The following FOXO3 variants were observed in gnomAD, a reference collection of about 807,000 sequenced individuals.
The protein encoded by FOXO3 is forkhead box O3.
FOXO3 carries 4 observed loss-of-function variants against 41.9 expected under a neutral mutation model. That is an observed-to-expected ratio of 0.10 (90% CI 0.05 to 0.22). The LOEUF (loss-of-function observed/expected upper bound fraction) is 0.22. FOXO3 is among the 10% of genes least tolerant of loss of function. The pLI is 1.00. For missense variants in FOXO3, 534 were observed against 906.8 expected, an observed-to-expected ratio of 0.59 and a Z score of 5.28; for synonymous variants, 318 against 389.3, an observed-to-expected ratio of 0.82 and a Z score of 2.16.
chr6:108,672,846 T>G (rs1293134276), intron 2 of FOXO3, among the ~76,000 whole-genome samples: 1 of 148,588 alleles, frequency 6.7e-6, no homozygotes, highest in Non-Finnish European at 1.5e-5. Flanking sequence ...GTTGTGGGAT[T>G]TTTTTGTTTC....
chr6:108,578,784 A>T (rs1055519089), intron 1 of FOXO3, among the ~76,000 whole-genome samples: 1 of 152,198 alleles, frequency 6.6e-6, no homozygotes, highest in African/African-American at 2.4e-5. Flanking sequence ...GCTGGGTGTA[A>T]TCAGTGTGAG....
At chr6:108,568,219 T>C (rs554779820) in intron 1 of FOXO3, among the ~76,000 whole-genome samples, 114 of 151,374 alleles carry the variant, frequency 7.5e-4, no homozygotes, top group Middle Eastern at 3.4e-3. Context: ...CTCTCTCTTT[T>C]TTTTTTTTTT....
intron 2 of FOXO3, among the ~76,000 whole-genome samples, chr6:108,667,057 G>T (rs1320523883): frequency 6.6e-6 from 1 of 152,214 alleles, no homozygotes; most frequent in Non-Finnish European, 1.5e-5. Context: ...CTCACGGGTG[G>T]TTGCAGAAAG....
intron 1 of FOXO3, among the ~76,000 whole-genome samples, chr6:108,598,452 C>G (rs1776949482): frequency 6.6e-6 from 1 of 152,068 alleles, no homozygotes; most frequent in South Asian, 2.1e-4. Context: ...CAACCACAAG[C>G]AGGATACATA....
chr6:108,668,979 G>A (rs915869262), intron 2 of FOXO3, among the ~76,000 whole-genome samples: 2 of 152,262 alleles, frequency 1.3e-5, no homozygotes. Context: ...GGGCGTGGTG[G>A]CGGGCGCCTG....
chr6:108,621,460 A>G (rs1205887127), intron 1 of FOXO3, among the ~76,000 whole-genome samples: 1 of 152,240 alleles, frequency 6.6e-6, no homozygotes, highest in African/African-American at 2.4e-5. Context: ...TGGAAGAAAG[A>G]ATCAAGTATG....
chr6:108,677,401 G>A (rs542061060), intron 2 of FOXO3, among the ~76,000 whole-genome samples: 1 of 152,122 alleles, frequency 6.6e-6, no homozygotes, highest in African/African-American at 2.4e-5. Flanking sequence ...CTCTGTTAGG[G>A]GCTCATGGGT....
Position 108,664,300 on chromosome 6 carries a change from G to A in FOXO3, c.1467G>A (p.Ser489=), listed in dbSNP as rs369957744. The A allele has an allele frequency of 3.8e-4, 612 of 1,595,940 alleles. No homozygotes were observed. The highest frequency in any genetic ancestry group is 5.9e-4 in the Admixed American group (35 of 59,786). The change falls in exon 2 of 3, where the codon TCG becomes TCA. Residue 489 remains serine (S), a synonymous_variant. Coordinates refer to ENST00000406360, the MANE Select transcript of FOXO3 (RefSeq NM_001455.4). Reference sequence around the variant, plus strand: ...ACAGCGATGTCATGATGACACAGTCGGACCCCTTGATGTCTCAGGCCAGCA... The same window carrying A: ...ACAGCGATGTCATGATGACACAGTCAGACCCCTTGATGTCTCAGGCCAGCA... The part of the protein sequence containing the change: ...LSHSDVMMTQ[S]DPLMSQASTA...
intron 1 of FOXO3, among the ~76,000 whole-genome samples, chr6:108,655,729 C>T (rs915605843): frequency 6.6e-6 from 1 of 152,172 alleles, no homozygotes; most frequent in African/African-American, 2.4e-5. Flanking sequence ...GGCGCCCACC[C>T]GGGCCTGCTC....
chr6:108,640,018 A>G (rs1353106759), intron 1 of FOXO3, among the ~76,000 whole-genome samples: 1 of 152,208 alleles, frequency 6.6e-6, no homozygotes, highest in Admixed American at 6.5e-5. Flanking sequence ...AAAACATCGC[A>G]TAAAAGACAG....
chr6:108,674,513 T>C (rs1279511495), intron 2 of FOXO3, among the ~76,000 whole-genome samples: 1 of 152,164 alleles, frequency 6.6e-6, no homozygotes, highest in Non-Finnish European at 1.5e-5. Flanking sequence ...TTCAACATGT[T>C]AGGAGCTCAA....
chr6:108,595,168 A>T (rs1776843608), intron 1 of FOXO3, among the ~76,000 whole-genome samples: 1 of 152,172 alleles, frequency 6.6e-6, no homozygotes, highest in South Asian at 2.1e-4. Context: ...ATCAAGCTAC[A>T]GGTTGTCGAG....
At chr6:108,592,408 C>T (rs139425823) in intron 1 of FOXO3, among the ~76,000 whole-genome samples, 5 of 152,198 alleles carry the variant, frequency 3.3e-5, no homozygotes, top group African/African-American at 1.2e-4. Context: ...GTAAGCTATG[C>T]CCTTTGTGTT....
At chr6:108,630,628 TGAG>T (rs1777943325) in intron 1 of FOXO3, among the ~76,000 whole-genome samples, 1 of 152,182 alleles carries the variant, frequency 6.6e-6, no homozygotes, top group African/African-American at 2.4e-5. Context: ...TGTGATCTTG[TGAG>T]GAGGCCTGTC....
chr6:108,566,354 TCTTAGTA>T (rs2128355594), intron 1 of FOXO3, among the ~76,000 whole-genome samples: 1 of 152,332 alleles, frequency 6.6e-6, no homozygotes, highest in South Asian at 2.1e-4. Context: ...TAGTTAAACT[TCTTAGTA>T]CTCTGCTTGT....
At chr6:108,622,603 C>T (rs1777699690) in intron 1 of FOXO3, among the ~76,000 whole-genome samples, 1 of 152,056 alleles carries the variant, frequency 6.6e-6, no homozygotes, top group African/African-American at 2.4e-5. Flanking sequence ...CTCCTTCCTC[C>T]TCCCACTCCA....
chr6:108,563,134 A>G (rs978316222), intron 1 of FOXO3, among the ~76,000 whole-genome samples: 2 of 152,216 alleles, frequency 1.3e-5, no homozygotes, highest in South Asian at 2.1e-4. Flanking sequence ...GGAGAATTCA[A>G]TGGAAGCACT....
chr6:108,641,450 G>C (rs746557172), intron 1 of FOXO3, among the ~76,000 whole-genome samples: 1 of 152,026 alleles, frequency 6.6e-6, no homozygotes, highest in Non-Finnish European at 1.5e-5. Flanking sequence ...TCCATAAACA[G>C]TTTGAAAACC....
intron 1 of FOXO3, among the ~76,000 whole-genome samples, chr6:108,654,126 AG>A (rs1339425820): frequency 1.3e-5 from 2 of 151,596 alleles, no homozygotes; most frequent in Non-Finnish European, 2.9e-5. Flanking sequence ...GAAATAGGAG[AG>A]TTTGTGGGGA....
Sources: gnomAD v4.1 joint callset for allele counts (sites outside exome capture counted in the v4.1 genomes callset) on GRCh38, gnomAD v4.1.1 for gene constraint, MANE v1.5 for transcripts, NCBI Gene and HGNC (gene_info 2026-07-23, HGNC 2026-07-21) for gene names.